Variants in KAT6A observed in about 807,000 individuals in gnomAD.
KAT6A encodes lysine acetyltransferase 6A.
A neutral mutation model predicts 198.4 loss-of-function variants in KAT6A; 9 were observed. The observed-to-expected ratio is 0.05, with a 90% CI of 0.03 to 0.08. KAT6A has a LOEUF of 0.08. Ranked by LOEUF, KAT6A falls within the 10% of genes least tolerant of loss-of-function variation. The pLI is 1.00. For synonymous variants in KAT6A, 890 were observed against 883.0 expected (o/e 1.01, Z -0.14); for missense variants, 2,077 against 2,509.9 (o/e 0.83, Z 3.69).
chr8:41,978,458 C>T (rs1824179116), intron 6 of KAT6A, among the ~76,000 whole-genome samples, 184 bp downstream of exon 6: 1 of 152,168 alleles, frequency 6.6e-6, no homozygotes, highest in Admixed American at 6.5e-5. Flanking sequence ...CAATTCAATG[C>T]ATATAAAGCA....
At chr8:41,988,886 T>A (rs1028965783) in intron 2 of KAT6A, among the ~76,000 whole-genome samples, 14 of 152,280 alleles carry the variant, frequency 9.2e-5, no homozygotes, top group African/African-American at 3.1e-4. Context: ...AGGATGGCAA[T>A]GGAAAACCCT....
chr8:42,041,182 G>T (rs1282190130), intron 2 of KAT6A, among the ~76,000 whole-genome samples: 4 of 105,514 alleles, frequency 3.8e-5, no homozygotes, highest in African/African-American at 4.1e-5. Context: ...GCAAGAGTGA[G>T]ATTCCGTCTC....
At chr8:41,990,932 T>C (rs141983281) in intron 2 of KAT6A, among the ~76,000 whole-genome samples, 1,822 of 144,350 alleles carry the variant, frequency 0.013, 40 homozygotes, top group South Asian at 0.083. Context: ...GAGGCAGAGG[T>C]TGCAGTGAGC....
rs771007302 is a variant in KAT6A, at chr8:41,943,982, A to G, written c.1997-3T>C. On this transcript the variant is annotated splice_polypyrimidine_tract_variant and splice_region_variant and intron_variant, in intron 12 of 16. Coordinates refer to ENST00000265713, the MANE Select transcript of KAT6A (RefSeq NM_006766.5). ...TTCACGCTTTGATAACAAATAACCTAAAGAATCACAAATAACTCAAATCAG... is the reference window on the plus strand; with the variant it reads ...TTCACGCTTTGATAACAAATAACCTGAAGAATCACAAATAACTCAAATCAG... 33 of 1,603,480 alleles carry G rather than the reference A, an allele frequency of 2.1e-5. No individual in the cohort carries two copies. The highest frequency in any genetic ancestry group is 2.8e-5 in the Non-Finnish European group (33 of 1,171,086).
chr8:42,020,908 C>G (rs1188352110), intron 2 of KAT6A, among the ~76,000 whole-genome samples: 1 of 152,108 alleles, frequency 6.6e-6, no homozygotes. Flanking sequence ...AGCTCTGTAA[C>G]TTGATCCTTA....
chr8:41,974,763 C>T lies in KAT6A; in HGVS notation c.1423G>A (p.Glu475Lys), dbSNP rs767017630. 1 of 1,610,230 alleles carries T rather than the reference C, an allele frequency of 6.2e-7. No homozygotes were observed. The highest frequency in any genetic ancestry group is 1.1e-5 in the South Asian group (1 of 90,370). ...TCCATATCTTTCTCAGTCATGATTT[C>T]CTGGCTCCCAAAAAGTCGCTCCTCA... ...ENEERLFGSQ[E>K]IMTEKDMELF... Residue 475 changes from glutamate (E) to lysine (K), a missense_variant, in exon 8 of 17, where the codon GAA becomes AAA. Physicochemically the swap from Glu to Lys is moderately conservative, Grantham distance 56 (BLOSUM62 1). This residue lies in a region of KAT6A where 206 missense variants were observed against 214.9 expected (regional missense o/e 0.96). Coordinates refer to ENST00000265713, the MANE Select transcript of KAT6A (RefSeq NM_006766.5).
At chr8:42,004,024 T>A (rs149852749) in intron 2 of KAT6A, among the ~76,000 whole-genome samples, 1 of 152,224 alleles carries the variant, frequency 6.6e-6, no homozygotes, top group Non-Finnish European at 1.5e-5. Flanking sequence ...AGCATACTAG[T>A]AGTCAGCTAG....
intron 2 of KAT6A, among the ~76,000 whole-genome samples, chr8:41,990,846 T>C (rs905821068): frequency 1.3e-5 from 2 of 151,858 alleles, no homozygotes; most frequent in Non-Finnish European, 2.9e-5. Flanking sequence ...ACACAAAAAA[T>C]TAGCTGGGCA....
chr8:41,984,460 G>A (rs552994696), intron 3 of KAT6A, among the ~76,000 whole-genome samples: 2 of 152,294 alleles, frequency 1.3e-5, no homozygotes, highest in East Asian at 3.9e-4. Context: ...ATGAGCCATC[G>A]TGGAAGCCTT....
chr8:41,978,207 T>C (rs759518144), intron 6 of KAT6A, among the ~76,000 whole-genome samples: 1 of 152,236 alleles, frequency 6.6e-6, no homozygotes, highest in East Asian at 1.9e-4. Flanking sequence ...GTACACCTAA[T>C]AGATATTAAC....
At chr8:42,051,587 C>T (rs1200995368) in intron 1 of KAT6A, among the ~76,000 whole-genome samples, 1 of 145,318 alleles carries the variant, frequency 6.9e-6, no homozygotes, top group Non-Finnish European at 1.5e-5. Context: ...CCGGCTCCCC[C>T]AGGGCGGGCC....
Position 41,943,852 on chromosome 8 carries a change from G to T in KAT6A, c.2124C>A (p.Asp708Glu). 1 of 1,613,844 alleles carries T rather than the reference G, an allele frequency of 6.2e-7. No individual in the cohort carries two copies. Among genetic ancestry groups the T allele is most frequent in the Non-Finnish European group, 8.5e-7 (1 of 1,179,910 alleles). ...VILECLYHQN[D>E]KQISIKKLSK... ...TTAACTTCTTAATGCTGATCTGCTT[G>T]TCATTTTGGTGATAAAGGCACTCCA... The change falls in exon 13 of 17, where the codon GAC (aspartate) becomes GAA (glutamate). Residue 708 changes from aspartate (D) to glutamate (E), a missense_variant. Physicochemically the swap from Asp to Glu is conservative, Grantham distance 45. Coordinates refer to ENST00000265713, the MANE Select transcript of KAT6A (RefSeq NM_006766.5).
Position 41,941,007 on chromosome 8 carries a change from C to G in KAT6A, c.2874G>C (p.Leu958=). The change falls in exon 15 of 17, where the codon CTG becomes CTC. Residue 958 remains leucine, a synonymous_variant. Transcript: ENST00000265713. Reference sequence around the variant, plus strand: ...CACTTCCTTCTGTTAATCTGCACTTCAGAGCCTCAGGGCTTTTCTTGAGCT... The same window carrying G: ...CACTTCCTTCTGTTAATCTGCACTTGAGAGCCTCAGGGCTTTTCTTGAGCT... ...RGQLKKSPEA[L]KCRLTEGSER... 1.9e-6 allele frequency: 3 copies of G among 1,614,182 alleles called. No individual in the cohort carries two copies. The highest frequency in any genetic ancestry group is 2.5e-6 in the Non-Finnish European group (3 of 1,180,034).
chr8:41,980,651 G>C (rs555649164), intron 5 of KAT6A, among the ~76,000 whole-genome samples, 195 bp downstream of exon 5: 1 of 152,088 alleles, frequency 6.6e-6, no homozygotes, highest in Non-Finnish European at 1.5e-5. Flanking sequence ...CAATAAATCC[G>C]TATCATGTAA....
chr8:42,007,987 A>AAT (rs59315584), intron 2 of KAT6A, among the ~76,000 whole-genome samples: 9 of 124,254 alleles, frequency 7.2e-5, no homozygotes, highest in Non-Finnish European at 3.4e-5. Context: ...AAAAAAAAAA[A>AAT]TTTTTATTGT....
intron 15 of KAT6A, among the ~76,000 whole-genome samples, chr8:41,940,080 C>T (rs1001914528): frequency 1.3e-5 from 2 of 152,158 alleles, no homozygotes; most frequent in African/African-American, 4.8e-5. Context: ...AGGAAAGGAA[C>T]GATTGTGCTG....
At chr8:41,950,625 C>T (rs377225388) in intron 9 of KAT6A, among the ~76,000 whole-genome samples, 1 of 151,946 alleles carries the variant, frequency 6.6e-6, no homozygotes, top group East Asian at 1.9e-4. Flanking sequence ...ATCAGAGAAA[C>T]CTAAAAAATT....
chr8:41,939,944 G>C (rs1036122090), intron 15 of KAT6A, among the ~76,000 whole-genome samples: 19 of 152,222 alleles, frequency 1.2e-4, no homozygotes, highest in Admixed American at 4.6e-4. Flanking sequence ...ACTGGCTGGG[G>C]TATGCGAGAA....
chr8:41,946,514 A>C, intron 12 of KAT6A, 77 bp downstream of exon 12: 1 of 716,442 alleles, frequency 1.4e-6, no homozygotes. Context: ...ACACACACAC[A>C]CACACACACA....
Sources: gnomAD v4.1 joint callset for allele counts (sites outside exome capture counted in the v4.1 genomes callset) on GRCh38, gnomAD v4.1.1 for gene constraint, gnomAD v4.1.1 regional missense constraint, MANE v1.5 for transcripts, NCBI Gene and HGNC (gene_info 2026-07-23, HGNC 2026-07-21) for gene names.